ADAMTSL1: variants seen among roughly 807,000 people sequenced by gnomAD.
The protein encoded by ADAMTSL1 is ADAMTS-like protein 1.
ADAMTSL1 carries 126 observed loss-of-function variants against 201.8 expected under a neutral mutation model. The ratio of observed to expected loss-of-function variants is 0.62; its 90% CI spans 0.54 to 0.72. The LOEUF (loss-of-function observed/expected upper bound fraction) is 0.72. Among genes scored for constraint, ADAMTSL1 ranks in the 30% least tolerant of loss-of-function variants. The pLI, the probability that ADAMTSL1 is intolerant of heterozygous loss-of-function variation, is 0.00. For synonymous variants in ADAMTSL1, 1,121 were observed against 903.4 expected (o/e 1.24, Z -4.32); for missense variants, 2,679 against 2,277.8 (o/e 1.18, Z -3.59).
intron 2 of ADAMTSL1, among the ~76,000 whole-genome samples, chr9:18,529,762 T>C (rs1200560056): frequency 6.6e-6 from 1 of 152,176 alleles, no homozygotes; most frequent in Non-Finnish European, 1.5e-5. Flanking sequence ...CTTAATATCA[T>C]ATTTCAGTCA....
At chr9:18,750,742 A>G (rs1327966516) in intron 15 of ADAMTSL1, among the ~76,000 whole-genome samples, 1 of 152,210 alleles carries the variant, frequency 6.6e-6, no homozygotes, top group Non-Finnish European at 1.5e-5. Flanking sequence ...AGGAATTTGG[A>G]GGCAGCTTGG....
At chr9:18,891,523 C>T (rs1829274396) in intron 25 of ADAMTSL1, among the ~76,000 whole-genome samples, 1 of 152,202 alleles carries the variant, frequency 6.6e-6, no homozygotes, top group Admixed American at 6.5e-5. Flanking sequence ...TCCGAGTGTT[C>T]CTAGTTTACA....
chr9:18,041,862 A>G (rs1433557338), intron 1 of ADAMTSL1, among the ~76,000 whole-genome samples: 5 of 152,148 alleles, frequency 3.3e-5, no homozygotes, highest in African/African-American at 1.2e-4. Context: ...TACATACTTT[A>G]TGTCTTTGCT....
intron 2 of ADAMTSL1, among the ~76,000 whole-genome samples, chr9:18,200,637 T>G (rs1216362851): frequency 6.6e-6 from 1 of 152,070 alleles, no homozygotes; most frequent in Non-Finnish European, 1.5e-5. Context: ...TTACCTCTCC[T>G]GCTTTTCTCT....
At chr9:17,959,375 T>A (rs567486515) in intron 1 of ADAMTSL1, among the ~76,000 whole-genome samples, 1 of 152,324 alleles carries the variant, frequency 6.6e-6, no homozygotes, top group Non-Finnish European at 1.5e-5. Context: ...GATGATACCC[T>A]CCTTCCTCTA....
In ADAMTSL1 at chr9:17,961,165, A is replaced by G. The variant is rs116587338; in HGVS notation, c.87+54243A>G. Among the ~76,000 whole-genome samples the G allele has an allele frequency of 1.7e-3, 257 of 152,230 alleles. 1 individual carries two copies. Among genetic ancestry groups the G allele is most frequent in the African/African-American group, 5.3e-3 (222 of 41,556 alleles). The stretch of plus-strand genomic sequence containing the variant: ...ACTTGGGCTCTACCAAGTAATTACT[A>G]TGTGGATTTGGACAAGTTTTTAATC... On this transcript the variant is annotated intron_variant, in intron 1 of 29. Transcript: ENST00000680146.
intron 1 of ADAMTSL1, among the ~76,000 whole-genome samples, chr9:18,059,189 C>T (rs942180366): frequency 2.0e-5 from 3 of 152,166 alleles, no homozygotes; most frequent in African/African-American, 7.2e-5. Context: ...ATGTGGCCCT[C>T]ATCACATTGT....
At chr9:18,504,223 A>G (rs1395373920) in intron 1 of ADAMTSL1, among the ~76,000 whole-genome samples, 1 of 152,198 alleles carries the variant, frequency 6.6e-6, no homozygotes, top group African/African-American at 2.4e-5. Flanking sequence ...CATAACCACA[A>G]GTATTCTTAC....
chr9:18,657,593 G>A (rs767320607), intron 7 of ADAMTSL1, 46 bp from the exon 8 acceptor site: 8 of 1,444,472 alleles, frequency 5.5e-6, no homozygotes, highest in East Asian at 4.5e-5. Flanking sequence ...GGACCAGAAA[G>A]CACCGCACTG....
intron 2 of ADAMTSL1, among the ~76,000 whole-genome samples, chr9:18,295,620 G>A (rs1833447630): frequency 6.6e-6 from 1 of 152,198 alleles, no homozygotes. Context: ...TTACAGGCAT[G>A]AGCCACGGTG....
chr9:18,579,923 A>G (rs1409024284), intron 4 of ADAMTSL1, among the ~76,000 whole-genome samples: 2 of 152,244 alleles, frequency 1.3e-5, no homozygotes, highest in East Asian at 3.8e-4. Flanking sequence ...AGAGTAGCAT[A>G]AATGTATGGA....
intron 23 of ADAMTSL1, among the ~76,000 whole-genome samples, chr9:18,869,488 T>A (rs928692423): frequency 1.3e-5 from 2 of 152,230 alleles, no homozygotes; most frequent in African/African-American, 4.8e-5. Context: ...TTTATCCCAT[T>A]TTCTAATATT....
chr9:18,781,214 C>T lies in ADAMTSL1; in HGVS notation c.3677+3308C>T, dbSNP rs1456816026. Among the ~76,000 whole-genome samples the T allele has an allele frequency of 3.3e-5, 5 of 152,236 alleles. No individual in the cohort carries two copies. The Middle Eastern group carries it at 0.014, about 414-fold the overall frequency. ...GGGCCTAGGCAAGCAGAGGGAAAGT[C>T]CTGGATTCTCCATCATCCAGGACAT... On this transcript the variant is annotated intron_variant, in intron 19 of 28. Coordinates refer to ENST00000380548, the MANE Select transcript of ADAMTSL1 (RefSeq NM_001040272.6).
intron 1 of ADAMTSL1, among the ~76,000 whole-genome samples, chr9:18,028,453 T>C (rs1820792538): frequency 6.6e-6 from 1 of 152,144 alleles, no homozygotes; most frequent in Non-Finnish European, 1.5e-5. Context: ...CTCCAATCTT[T>C]TCTGGCTTGT....
At chr9:18,540,098 GA>G (rs1820032737) in intron 3 of ADAMTSL1, among the ~76,000 whole-genome samples, 4 of 152,192 alleles carry the variant, frequency 2.6e-5, no homozygotes, top group Non-Finnish European at 5.9e-5. Context: ...GCTGCAATGA[GA>G]AAGAGAAAGA....
chr9:18,879,115 A>G (rs1471198001), intron 23 of ADAMTSL1, among the ~76,000 whole-genome samples: 1 of 152,204 alleles, frequency 6.6e-6, no homozygotes, highest in African/African-American at 2.4e-5. Flanking sequence ...AGCAATATAG[A>G]TTTAAATAGG....
At chr9:18,735,748 C>CTTTTTTTTT (rs71333066) in intron 15 of ADAMTSL1, among the ~76,000 whole-genome samples, 1 of 106,686 alleles carries the variant, frequency 9.4e-6, no homozygotes, top group African/African-American at 3.6e-5. Flanking sequence ...ATTCTTTTTT[C>CTTTTTTTTT]TTTTTTTTTT....
chr9:18,135,647 C>A (rs1000978764), intron 1 of ADAMTSL1, among the ~76,000 whole-genome samples: 3 of 152,146 alleles, frequency 2.0e-5, no homozygotes, highest in East Asian at 1.9e-4. Flanking sequence ...ACAGAGTTTT[C>A]TTTTATATAT....
intron 1 of ADAMTSL1, among the ~76,000 whole-genome samples, chr9:17,923,321 C>T (rs1398578850): frequency 6.6e-4 from 97 of 146,090 alleles, no homozygotes; most frequent in African/African-American, 2.3e-3. Flanking sequence ...TTTCCTTGAG[C>T]AGTGGTTTGT....
Sources: gnomAD v4.1 joint callset for allele counts (sites outside exome capture counted in the v4.1 genomes callset) on GRCh38, gnomAD v4.1.1 for gene constraint, MANE v1.5 for transcripts, NCBI Gene and HGNC (gene_info 2026-07-23, HGNC 2026-07-21) for gene names.